Variants in ARFIP1 observed in about 807,000 individuals in gnomAD.
The protein encoded by ARFIP1 is ARF interacting protein 1.
A neutral mutation model predicts 42.5 loss-of-function variants in ARFIP1; 24 were observed. The observed-to-expected ratio is 0.57, with a 90% confidence interval of 0.41 to 0.80. The LOEUF is 0.80. Among genes scored for constraint, ARFIP1 ranks in the 30% least tolerant of loss-of-function variants. The pLI, the probability that ARFIP1 is intolerant of heterozygous loss-of-function variation, is 0.00. For synonymous variants in ARFIP1, 141 were observed against 153.7 expected, an observed-to-expected ratio of 0.92 and a Z score of 0.61; for missense variants, 354 against 434.0, an observed-to-expected ratio of 0.82 and a Z score of 1.64.
At chr4:152,792,487 C>T (rs1731199390) in intron 1 of ARFIP1, among the ~76,000 whole-genome samples, 1 of 152,110 alleles carries the variant, frequency 6.6e-6, no homozygotes, top group Non-Finnish European at 1.5e-5. Flanking sequence ...CCTCCTGTGT[C>T]TTGGGCATAC....
chr4:152,873,936 TC>T (rs757420444), intron 5 of ARFIP1, among the ~76,000 whole-genome samples: 3 of 152,198 alleles, frequency 2.0e-5, no homozygotes, highest in Non-Finnish European at 2.9e-5. Flanking sequence ...CCCAGAAACT[TC>T]CTAAACAATC....
intron 1 of ARFIP1, among the ~76,000 whole-genome samples, chr4:152,822,893 C>T (rs1730504675): frequency 6.6e-6 from 1 of 152,104 alleles, no homozygotes; most frequent in South Asian, 2.1e-4. Context: ...TTCAGAACTT[C>T]TGGGATACAG....
rs148728720 is a variant in ARFIP1, at chr4:152,795,023, C to T, written c.-10+14797C>T. On this transcript the variant is annotated intron_variant, in intron 1 of 8. Transcript: ENST00000353617. ...GAGTCAGAATTATTACAAAATATAT[C>T]GTGTATCCAGAGAAGTGTCACTCCA... Among the ~76,000 whole-genome samples, 6 of 152,194 alleles carry T rather than the reference C, an allele frequency of 3.9e-5. No individual in the cohort carries two copies. In the East Asian group the frequency reaches 9.7e-4, roughly 24 times the overall value.
rs568820520 is a variant in ARFIP1 at position 152,820,519 on chromosome 4, A to C, written c.-9-9106A>C. ...TGGCTCATGGTTCCACAGCCTGTTC[A>C]GGAAGCATGGCTTGGGAGGCCTGAG... On this transcript the variant is annotated intron_variant, in intron 1 of 8. Transcript: ENST00000353617. Among the ~76,000 whole-genome samples, 4 of 152,348 alleles carry C rather than the reference A, an allele frequency of 2.6e-5. No homozygotes were observed. In the South Asian group the frequency reaches 8.3e-4, roughly 32 times the overall value.
chr4:152,909,168 T>A (rs1465797155), intron 8 of ARFIP1, among the ~76,000 whole-genome samples: 1 of 152,154 alleles, frequency 6.6e-6, no homozygotes, highest in Non-Finnish European at 1.5e-5. Flanking sequence ...GCAGATCACC[T>A]GAGGTCAGGA....
intron 5 of ARFIP1, among the ~76,000 whole-genome samples, chr4:152,873,153 A>G (rs1735030075): frequency 6.6e-6 from 1 of 152,194 alleles, no homozygotes; most frequent in African/African-American, 2.4e-5. Flanking sequence ...CCCCAAATCC[A>G]CTTAGTACCT....
At chr4:152,783,772 A>G (rs960434550) in intron 1 of ARFIP1, among the ~76,000 whole-genome samples, 5 of 152,224 alleles carry the variant, frequency 3.3e-5, no homozygotes, top group African/African-American at 1.2e-4. Context: ...AAGTTTGACA[A>G]AAAAGTGAAT....
intron 1 of ARFIP1, among the ~76,000 whole-genome samples, chr4:152,818,945 A>G (rs762989941): frequency 1.2e-4 from 19 of 152,250 alleles, no homozygotes; most frequent in Middle Eastern, 3.4e-3. Flanking sequence ...CTACCTTCTG[A>G]ACACAAGGTG....
chr4:152,883,924 C>T (rs1397363188), intron 7 of ARFIP1, among the ~76,000 whole-genome samples: 1 of 151,640 alleles, frequency 6.6e-6, no homozygotes, highest in African/African-American at 2.4e-5. Flanking sequence ...AGAAGGATAA[C>T]TTTACTCTTT....
rs1561156896 is a variant in ARFIP1, at chr4:152,869,447, TC to T, written c.203-1305del. The stretch of plus-strand genomic sequence containing the variant: ...GTTGGGTAGTCAGTGTTTCTTTCTT[TC>T]TTTCTTTTTTTTTTTAATTGAGACA... On this transcript the variant is annotated intron_variant, in intron 3 of 8. Transcript: ENST00000353617. 1.9e-4 allele frequency among the ~76,000 whole-genome samples: 29 copies of T among 151,978 alleles called. No homozygotes were observed. In the Middle Eastern group the frequency reaches 0.01, roughly 53 times the overall value.
intron 1 of ARFIP1, among the ~76,000 whole-genome samples, chr4:152,817,316 G>A (rs924494347): frequency 6.6e-6 from 1 of 152,134 alleles, no homozygotes; most frequent in Non-Finnish European, 1.5e-5. Context: ...GCAGTGACAG[G>A]AAGGAAAATA....
At chr4:152,796,226 G>T in intron 1 of ARFIP1, 1 of 871,228 alleles carries the variant, frequency 1.1e-6, no homozygotes, top group South Asian at 1.4e-5. Context: ...TGTATACAGC[G>T]GGAATGACGG....
At chr4:152,892,591 A>G (rs921001711) in intron 8 of ARFIP1, among the ~76,000 whole-genome samples, 1 of 152,176 alleles carries the variant, frequency 6.6e-6, no homozygotes, top group African/African-American at 2.4e-5. Flanking sequence ...TCTTAGCTAT[A>G]AAATTGATGT....
At chr4:152,858,781 C>T (rs1410786805) in intron 2 of ARFIP1, among the ~76,000 whole-genome samples, 1 of 152,096 alleles carries the variant, frequency 6.6e-6, no homozygotes, top group African/African-American at 2.4e-5. Context: ...AACAAATATA[C>T]ACATAATATA....
At chr4:152,784,322 A>G (rs186442846) in intron 1 of ARFIP1, among the ~76,000 whole-genome samples, 131 of 152,316 alleles carry the variant, frequency 8.6e-4, no homozygotes, top group Middle Eastern at 6.8e-3. Flanking sequence ...GCTCTTGCAG[A>G]TTAACAGATA....
intron 1 of ARFIP1, among the ~76,000 whole-genome samples, chr4:152,804,157 T>C (rs28678658): frequency 5.0e-4 from 56 of 111,386 alleles, no homozygotes; most frequent in East Asian, 3.6e-3. Flanking sequence ...TATTATATAT[T>C]ATATATAATA....
intron 8 of ARFIP1, among the ~76,000 whole-genome samples, chr4:152,890,151 G>C (rs545101604): frequency 6.1e-4 from 93 of 151,902 alleles, no homozygotes; most frequent in African/African-American, 2.2e-3. Context: ...GACTAACATA[G>C]TGAAACATAA....
At chr4:152,886,280 G>T (rs984059983) in intron 7 of ARFIP1, among the ~76,000 whole-genome samples, 4 of 151,798 alleles carry the variant, frequency 2.6e-5, no homozygotes, top group Admixed American at 6.6e-5. Flanking sequence ...TCATTTTTAT[G>T]TCAGATCAAC....
intron 8 of ARFIP1, among the ~76,000 whole-genome samples, chr4:152,903,180 A>G (rs527604817): frequency 3.9e-5 from 6 of 152,324 alleles, no homozygotes; most frequent in Admixed American, 2.6e-4. Flanking sequence ...AGTTAATAAA[A>G]AATAGGCAGA....
Sources: allele counts gnomAD v4.1 joint callset (sites outside exome capture counted in the v4.1 genomes callset), GRCh38; gene constraint gnomAD v4.1.1; transcripts MANE v1.5; gene names NCBI Gene and HGNC (gene_info 2026-07-23, HGNC 2026-07-21).